The following APLP2 variants were observed in gnomAD, a reference collection of about 807,000 sequenced individuals.
APLP2 encodes CDEI box-binding protein.
APLP2 carries 53 observed loss-of-function variants against 89.9 expected under a neutral mutation model. That is an observed-to-expected ratio of 0.59 (90% CI 0.47 to 0.74). The LOEUF is 0.74. Ranked by LOEUF, APLP2 falls within the 30% of genes least tolerant of loss-of-function variation. APLP2 has a pLI of 0.00. For missense variants in APLP2, 973 were observed against 975.9 expected (o/e 1.00, Z 0.04); for synonymous variants, 372 against 348.6 (o/e 1.07, Z -0.75).
chr11:130,100,923 A>G (rs943126135), intron 1 of APLP2, among the ~76,000 whole-genome samples: 3 of 152,346 alleles, frequency 2.0e-5, no homozygotes, highest in Admixed American at 6.5e-5. Flanking sequence ...CTGCTATACA[A>G]CCGGAAAATG....
chr11:130,127,687 C>T, intron 8 of APLP2, 79 bp from the exon 9 acceptor site: 2 of 1,171,496 alleles, frequency 1.7e-6, no homozygotes, highest in Non-Finnish European at 2.6e-6. Flanking sequence ...GATTTAGCAT[C>T]TGACAGTGTT....
intron 1 of APLP2, among the ~76,000 whole-genome samples, chr11:130,091,751 G>A (rs1470491587): frequency 3.8e-4 from 57 of 149,108 alleles, no homozygotes; most frequent in Middle Eastern, 6.9e-3. Context: ...CGGACGGCAC[G>A]GCTGGCCAGG....
At chr11:130,081,576 G>GA (rs892120318) in intron 1 of APLP2, among the ~76,000 whole-genome samples, 3 of 152,070 alleles carry the variant, frequency 2.0e-5, no homozygotes, top group Admixed American at 2.0e-4. Flanking sequence ...CAATTATGTG[G>GA]AAAAAAATTA....
At position 130,130,236 on chromosome 11, in the gene APLP2, T is replaced by C. The variant is rs1273169544; in HGVS notation, c.1584+70T>C. 6.2e-6 allele frequency: 10 copies of C among 1,601,358 alleles called. No individual in the cohort carries two copies. In the South Asian group the frequency reaches 7.7e-5, roughly 12 times the overall value. ...GTGGGGAACATAATGCCTTGACTAATGGTTGACCAGCACTGCTAGTTGCAT... is the reference window on the plus strand; with the variant it reads ...GTGGGGAACATAATGCCTTGACTAACGGTTGACCAGCACTGCTAGTTGCAT... On this transcript the variant is annotated intron_variant, in intron 11 of 16. Transcript: ENST00000338167.
At chr11:130,113,924 T>C (rs1948876433) in intron 3 of APLP2, among the ~76,000 whole-genome samples, 1 of 152,224 alleles carries the variant, frequency 6.6e-6, no homozygotes. Context: ...AAAAATCTTA[T>C]TCTCCCTTCC....
At chr11:130,106,090 TA>T (rs1417230213) in intron 1 of APLP2, among the ~76,000 whole-genome samples, 1 of 152,206 alleles carries the variant, frequency 6.6e-6, no homozygotes, top group Non-Finnish European at 1.5e-5. Flanking sequence ...TGTTAATGGT[TA>T]GACTGCACAT....
At chr11:130,072,370 C>G (rs1941276082) in intron 1 of APLP2, among the ~76,000 whole-genome samples, 1 of 151,966 alleles carries the variant, frequency 6.6e-6, no homozygotes, top group Non-Finnish European at 1.5e-5. Context: ...TCAACTGAGG[C>G]AGAGTAGAGA....
rs778440952 is a variant in APLP2, at chr11:130,135,595, G to T, written c.1717G>T (p.Asp573Tyr). Reference sequence around the variant, plus strand: ...CCTTCAGGAGCAGCGTGCAGATATGGACCAGTTCACTGCCTCAATCTCAGA... The same window carrying T: ...CCTTCAGGAGCAGCGTGCAGATATGTACCAGTTCACTGCCTCAATCTCAGA... Reference protein sequence around the residue: ...ELLQEQRADMDQFTASISETP... With the variant: ...ELLQEQRADMYQFTASISETP... Residue 573 changes from aspartate to tyrosine, a missense_variant, in exon 13 of 17, where the codon GAC (aspartate) becomes TAC (tyrosine). By Grantham distance (160) the Asp-to-Tyr change is radical. Coordinates refer to ENST00000338167, the MANE Select transcript of APLP2 (RefSeq NM_001142276.2). The T allele has an allele frequency of 7.4e-6, 12 of 1,614,038 alleles. No individual in the cohort carries two copies. The East Asian group carries it at 2.2e-4, about 30-fold the overall frequency.
intron 1 of APLP2, among the ~76,000 whole-genome samples, chr11:130,078,767 C>T (rs945414671): frequency 2.6e-5 from 4 of 151,990 alleles, no homozygotes; most frequent in African/African-American, 9.7e-5. Flanking sequence ...CAAGTATCTC[C>T]CTGTGCGTGA....
chr11:130,098,220 C>T (rs1946465984), intron 1 of APLP2, among the ~76,000 whole-genome samples: 1 of 152,010 alleles, frequency 6.6e-6, no homozygotes, highest in Non-Finnish European at 1.5e-5. Flanking sequence ...TCCTGGCCAA[C>T]ACGGTGAAAC....
Position 130,127,801 on chromosome 11 carries a change from T to C in APLP2, c.1257T>C (p.Ala419=), listed in dbSNP as rs376761628. 1.1e-5 allele frequency: 18 copies of C among 1,614,040 alleles called. No individual in the cohort carries two copies. The Admixed American group carries it at 1.7e-4, about 15-fold the overall frequency. ...AATGGGAAGAGGCAGAGCTTCAAGCTAAGAACCTCCCCAAAGCAGAGAGGC... is the reference window on the plus strand; with the variant it reads ...AATGGGAAGAGGCAGAGCTTCAAGCCAAGAACCTCCCCAAAGCAGAGAGGC... ...KKEWEEAELQ[A]KNLPKAERQT... Residue 419 remains alanine, a synonymous_variant, in exon 9 of 17, where the codon GCT becomes GCC. Transcript: ENST00000338167.
chr11:130,104,507 C>T (rs190021679), intron 1 of APLP2, among the ~76,000 whole-genome samples: 137 of 152,188 alleles, frequency 9.0e-4, no homozygotes, highest in Admixed American at 8.8e-3. Context: ...TGTGAGCCAC[C>T]GTGCCGGGCT....
At chr11:130,140,582 T>C (rs1200437500) in intron 14 of APLP2, 99 bp downstream of exon 14, 1 of 978,270 alleles carries the variant, frequency 1.0e-6, no homozygotes, top group African/African-American at 1.6e-5. Flanking sequence ...GTCTCTGTGT[T>C]CGTTTTCCGC....
At chr11:130,093,938 G>A (rs528274165) in intron 1 of APLP2, among the ~76,000 whole-genome samples, 1 of 151,892 alleles carries the variant, frequency 6.6e-6, no homozygotes, top group East Asian at 1.9e-4. Flanking sequence ...GTAGAGACAG[G>A]GTTTCACCAT....
chr11:130,127,265 T>A (rs2136005954), intron 8 of APLP2, among the ~76,000 whole-genome samples: 1 of 152,248 alleles, frequency 6.6e-6, no homozygotes, highest in Non-Finnish European at 1.5e-5. Context: ...AGGTTCTGAG[T>A]CTCAGAGATG....
intron 1 of APLP2, among the ~76,000 whole-genome samples, chr11:130,093,046 G>T (rs1244469804): frequency 6.6e-6 from 1 of 152,156 alleles, no homozygotes; most frequent in African/African-American, 2.4e-5. Context: ...CTACCTGGCA[G>T]TCTAGGAAAA....
At chr11:130,073,569 G>A (rs1236989484) in intron 1 of APLP2, among the ~76,000 whole-genome samples, 4 of 152,146 alleles carry the variant, frequency 2.6e-5, no homozygotes, top group Non-Finnish European at 5.9e-5. Flanking sequence ...ATCACCAGGC[G>A]CGGTGGCTCA....
At chr11:130,114,380 C>T (rs1016015931) in intron 3 of APLP2, 5 of 152,160 alleles carry the variant, frequency 3.3e-5, no homozygotes, top group African/African-American at 1.2e-4. Context: ...TTTCTGTGAT[C>T]CTTTTGATTT....
At chr11:130,135,810 G>A in intron 13 of APLP2, 95 bp downstream of exon 13, 1 of 1,468,800 alleles carries the variant, frequency 6.8e-7, no homozygotes, top group African/African-American at 1.4e-5. Context: ...TGAGTTGGGA[G>A]ATGGTGTTCC....
Sources: allele counts gnomAD v4.1 joint callset (sites outside exome capture counted in the v4.1 genomes callset), GRCh38; gene constraint gnomAD v4.1.1; transcripts MANE v1.5; gene names NCBI Gene and HGNC (gene_info 2026-07-23, HGNC 2026-07-21).